ANK3: variants seen among roughly 807,000 people sequenced by gnomAD.
The protein encoded by ANK3 is ankyrin 3.
In ANK3, 57 loss-of-function variants were observed where a neutral mutation model predicts 370.9. The observed-to-expected ratio is 0.15, with a 90% CI of 0.12 to 0.19. The LOEUF (loss-of-function observed/expected upper bound fraction) is 0.19, where lower values mean the gene tolerates loss of function less well. Among genes scored for constraint, ANK3 ranks in the 10% least tolerant of loss-of-function variants. The probability of loss-of-function intolerance (pLI) is 1.00; values close to 1 mark genes in which losing one functional copy is unlikely to be tolerated. For synonymous variants in ANK3, 1,929 were observed against 1,946.3 expected, an observed-to-expected ratio of 0.99 and a Z score of 0.23; for missense variants, 4,439 against 5,302.1, an observed-to-expected ratio of 0.84 and a Z score of 5.06.
At chr10:60,305,990 T>A (rs1410545725) in intron 1 of ANK3, among the ~76,000 whole-genome samples, 2 of 150,824 alleles carry the variant, frequency 1.3e-5, no homozygotes, top group Non-Finnish European at 2.9e-5. Flanking sequence ...AAAAATACAT[T>A]TTTTTTTCAC....
rs767280645 is a variant in ANK3 at position 60,060,298 on chromosome 10, AAAGTTTAT to A, written c.12596-876_12596-869del. 995 of 205,292 alleles carry A rather than the reference AAAGTTTAT, an allele frequency of 4.8e-3. 11 individuals are homozygous for A. Among genetic ancestry groups the A allele is most frequent in the Middle Eastern group, 0.015 (8 of 524 alleles). The allele number at this position is 205,292 out of a possible 1,614,324, so 12.7% of individuals were successfully genotyped here. A position where few individuals can be genotyped will look rare whatever the true frequency, so the allele number is the denominator to read the frequency against. ...TCCAAAGTATGCAGACTAAATATAT[AAAGTTTAT>A]ATATTTAAGTTTATATAAAGACCAA... is the stretch of plus-strand genomic sequence containing the variant. On this transcript the variant is annotated intron_variant, in intron 40 of 43. Transcript: ENST00000280772.
At chr10:60,558,785 ATAGAG>A (rs2077266864) in intron 2 of ANK3, among the ~76,000 whole-genome samples, 1 of 151,850 alleles carries the variant, frequency 6.6e-6, no homozygotes, top group African/African-American at 2.4e-5. Flanking sequence ...TTCCCTAGAG[ATAGAG>A]TAAATATATA....
intron 2 of ANK3, among the ~76,000 whole-genome samples, chr10:60,433,819 T>G (rs2064092379): frequency 6.6e-6 from 1 of 152,212 alleles, no homozygotes; most frequent in Non-Finnish European, 1.5e-5. Flanking sequence ...TTCCAAATTC[T>G]GAGTACATAT....
At chr10:60,543,423 G>T (rs2133219479) in intron 2 of ANK3, among the ~76,000 whole-genome samples, 1 of 152,128 alleles carries the variant, frequency 6.6e-6, no homozygotes, top group East Asian at 1.9e-4. Flanking sequence ...ATAGGCAAAT[G>T]GCTAAAGTAT....
At chr10:60,289,606 C>T (rs529710597) in intron 1 of ANK3, among the ~76,000 whole-genome samples, 10 of 151,946 alleles carry the variant, frequency 6.6e-5, no homozygotes, top group Non-Finnish European at 1.5e-4. Flanking sequence ...AGCATGTTGC[C>T]CAGGCTGGTC....
At chr10:60,593,435 A>G (rs1378718801) in intron 2 of ANK3, among the ~76,000 whole-genome samples, 1 of 152,226 alleles carries the variant, frequency 6.6e-6, no homozygotes, top group African/African-American at 2.4e-5. Context: ...AAGAGAATTA[A>G]GTACTTAAGG....
intron 23 of ANK3, among the ~76,000 whole-genome samples, chr10:60,156,925 T>C (rs2095347132): frequency 6.6e-6 from 1 of 152,104 alleles, no homozygotes; most frequent in Admixed American, 6.5e-5. Flanking sequence ...CAAGAAAACA[T>C]TACCTCACCA....
At chr10:60,278,000 C>G (rs2098115098) in intron 4 of ANK3, among the ~76,000 whole-genome samples, 1 of 152,156 alleles carries the variant, frequency 6.6e-6, no homozygotes, top group Admixed American at 6.5e-5. Flanking sequence ...TAATGAGGAC[C>G]TATATTTTTA....
intron 31 of ANK3, 37 bp from the exon 32 acceptor site, chr10:60,084,867 C>T (rs1439578480): frequency 6.9e-7 from 1 of 1,446,284 alleles, no homozygotes; most frequent in South Asian, 1.5e-5. Context: ...GAAAATGTGG[C>T]TATTTAAAAG....
At chr10:60,263,104 G>T (rs567500018) in intron 6 of ANK3, among the ~76,000 whole-genome samples, 1 of 151,996 alleles carries the variant, frequency 6.6e-6, no homozygotes, top group African/African-American at 2.4e-5. Flanking sequence ...TAGACTACAC[G>T]TATATGCATA....
At chr10:60,263,412 G>A (rs1360823328) in intron 6 of ANK3, among the ~76,000 whole-genome samples, 1 of 152,216 alleles carries the variant, frequency 6.6e-6, no homozygotes, top group Non-Finnish European at 1.5e-5. Context: ...TCTTGCTGCT[G>A]GCATGCTTTC....
intron 2 of ANK3, among the ~76,000 whole-genome samples, chr10:60,554,834 T>C (rs564586918): frequency 8.3e-4 from 126 of 152,306 alleles, no homozygotes; most frequent in South Asian, 5.0e-3. Flanking sequence ...TTAGACACTA[T>C]ACAAAAGTTA....
At chr10:60,279,211 C>G (rs1220258423) in intron 2 of ANK3, 63 bp from the exon 3 acceptor site, 1 of 1,372,118 alleles carries the variant, frequency 7.3e-7, no homozygotes, top group South Asian at 1.2e-5. Context: ...AAACAACCGA[C>G]CAAGAACTCC....
chr10:60,369,334 C>A (rs1046879428), intron 1 of ANK3, among the ~76,000 whole-genome samples: 1 of 152,106 alleles, frequency 6.6e-6, no homozygotes, highest in Non-Finnish European at 1.5e-5. Flanking sequence ...TAAACATTGC[C>A]GAGAATGCAA....
At chr10:60,665,593 T>C (rs1209281155) in intron 1 of ANK3, among the ~76,000 whole-genome samples, 1 of 152,224 alleles carries the variant, frequency 6.6e-6, no homozygotes, top group Non-Finnish European at 1.5e-5. Flanking sequence ...GTGTCTTCAG[T>C]ATCTGTTTTA....
intron 2 of ANK3, among the ~76,000 whole-genome samples, chr10:60,480,247 C>T (rs2075176816): frequency 1.3e-5 from 2 of 152,070 alleles, no homozygotes; most frequent in African/African-American, 4.8e-5. Context: ...TTTAAAATGT[C>T]CATGAGAGCT....
chr10:60,354,904 A>G (rs369173203), intron 1 of ANK3, among the ~76,000 whole-genome samples: 8 of 152,194 alleles, frequency 5.3e-5, no homozygotes, highest in Admixed American at 5.2e-4. Flanking sequence ...TGAATTTTCC[A>G]GAGAATTCCA....
At chr10:60,173,821 C>T (rs1332557508) in intron 18 of ANK3, among the ~76,000 whole-genome samples, 1 of 152,106 alleles carries the variant, frequency 6.6e-6, no homozygotes, top group Non-Finnish European at 1.5e-5. Context: ...GTTTGTTTCT[C>T]AAATTAGTAT....
At chr10:60,585,411 T>C (rs542811408) in intron 2 of ANK3, among the ~76,000 whole-genome samples, 1 of 152,128 alleles carries the variant, frequency 6.6e-6, no homozygotes, top group South Asian at 2.1e-4. Flanking sequence ...ATTCAGAAAT[T>C]TGGGGACTTG....
Sources: gnomAD v4.1 joint callset for allele counts (sites outside exome capture counted in the v4.1 genomes callset) on GRCh38, gnomAD v4.1.1 for gene constraint, MANE v1.5 for transcripts, NCBI Gene and HGNC (gene_info 2026-07-23, HGNC 2026-07-21) for gene names.